ATP2A3: variants seen among roughly 807,000 people sequenced by gnomAD.
The protein encoded by ATP2A3 is ATPase sarcoplasmic/endoplasmic reticulum Ca2+ transporting 3.
A neutral mutation model predicts 106.8 loss-of-function variants in ATP2A3; 61 were observed. That is an observed-to-expected ratio of 0.57 (90% confidence interval 0.46 to 0.71). The LOEUF (loss-of-function observed/expected upper bound fraction) is 0.71, where lower values mean the gene tolerates loss of function less well. Ranked by LOEUF, ATP2A3 falls within the 30% of genes least tolerant of loss-of-function variation. ATP2A3 has a pLI of 0.00. For missense variants in ATP2A3, 1,201 were observed against 1,423.5 expected (o/e 0.84, Z 2.52); for synonymous variants, 611 against 609.3 (o/e 1.00, Z -0.04).
intron 16 of ATP2A3, among the ~76,000 whole-genome samples, chr17:3,935,952 G>A (rs895617970): frequency 7.9e-5 from 12 of 152,170 alleles, no homozygotes; most frequent in African/African-American, 1.7e-4. Context: ...TCATACTACC[G>A]GGAGAGCAGC....
At chr17:3,962,015 C>G (rs1487787181) in intron 1 of ATP2A3, among the ~76,000 whole-genome samples, 1 of 152,188 alleles carries the variant, frequency 6.6e-6, no homozygotes, top group African/African-American at 2.4e-5. Flanking sequence ...GCTGGCTCCC[C>G]TCTGCTCACC....
chr17:3,952,860 G>A, intron 3 of ATP2A3, among the ~76,000 whole-genome samples: 1 of 152,184 alleles, frequency 6.6e-6, no homozygotes, highest in East Asian at 1.9e-4. Flanking sequence ...CCACAGTGCT[G>A]GGATTTCAAT....
At chr17:3,937,393 G>T (rs759965092) in intron 15 of ATP2A3, 23 bp downstream of exon 15, 1 of 1,604,250 alleles carries the variant, frequency 6.2e-7, no homozygotes. Context: ...AGAGGGCTGA[G>T]AGGAGGGAAG....
chr17:3,944,363 G>A (rs1392408862), intron 10 of ATP2A3, among the ~76,000 whole-genome samples: 2 of 152,084 alleles, frequency 1.3e-5, no homozygotes, highest in Non-Finnish European at 1.5e-5. Flanking sequence ...CTAAGTCGCA[G>A]GAGGCTTTAA....
intron 1 of ATP2A3, among the ~76,000 whole-genome samples, chr17:3,962,558 C>T (rs1443171911): frequency 6.6e-6 from 1 of 152,194 alleles, no homozygotes; most frequent in Non-Finnish European, 1.5e-5. Context: ...ACACACCACG[C>T]CAAGCCCACA....
At chr17:3,939,117 T>C (rs2053601070) in intron 14 of ATP2A3, among the ~76,000 whole-genome samples, 1 of 151,964 alleles carries the variant, frequency 6.6e-6, no homozygotes, top group Non-Finnish European at 1.5e-5. Context: ...CAGTGAGCCA[T>C]GACTGTGCCA....
chr17:3,940,076 G>A (rs1045753138), intron 14 of ATP2A3, among the ~76,000 whole-genome samples: 4 of 131,648 alleles, frequency 3.0e-5, no homozygotes, highest in African/African-American at 1.3e-4. Context: ...GAGAGATGGG[G>A]TCTCAAACTC....
chr17:3,951,558 G>GCCCACCCCCCCAGCCACCC, intron 4 of ATP2A3, 23 bp downstream of exon 4: 1 of 716,234 alleles, frequency 1.4e-6, no homozygotes, highest in Non-Finnish European at 2.1e-6. Context: ...CCCCCGCCCG[G>GCCCACCCCCCCAGCCACCC]TCCCACCCCC....
At chr17:3,951,555 C>G in intron 4 of ATP2A3, 26 bp downstream of exon 4, 4 of 1,413,334 alleles carry the variant, frequency 2.8e-6, no homozygotes, top group Non-Finnish European at 2.0e-6. Flanking sequence ...CGCCCCCCGC[C>G]CGGTCCCACC....
In ATP2A3 at chr17:3,925,361, C is replaced by A; in HGVS notation, c.*61G>T. On this transcript the variant is annotated 3_prime_UTR_variant, in exon 21 of 21. Transcript: ENST00000397041. The surrounding 1 kb of genome is among the most constrained non-coding windows in gnomAD (Gnocchi z 4.2). ...TGGTGGCAAGGGTGGGGGGCGGAGGCGAACACATGGGCACCATCAGTCTGA... is the reference window on the plus strand; with the variant it reads ...TGGTGGCAAGGGTGGGGGGCGGAGGAGAACACATGGGCACCATCAGTCTGA... 6.2e-7 allele frequency: 1 copy of A among 1,613,414 alleles called. No homozygotes were observed. Among genetic ancestry groups the A allele is most frequent in the East Asian group, 2.2e-5 (1 of 44,864 alleles).
intron 1 of ATP2A3, among the ~76,000 whole-genome samples, chr17:3,961,208 G>T (rs76412121): frequency 1.3e-5 from 2 of 152,106 alleles, no homozygotes; most frequent in Non-Finnish European, 2.9e-5. Flanking sequence ...GGCTGGGGAC[G>T]GGGCGGAGAA....
Position 3,928,593 on chromosome 17 carries a change from G to C in ATP2A3, c.2980+70C>G, listed in dbSNP as rs895628971. Reference sequence around the variant, plus strand: ...AGGCTCTGCGCTCCACACCCACAGCGTCCACTGCAGCCCAGGAGCAGAGGC... The same window carrying C: ...AGGCTCTGCGCTCCACACCCACAGCCTCCACTGCAGCCCAGGAGCAGAGGC... On this transcript the variant is annotated intron_variant, in intron 20 of 20. Transcript: ENST00000397041. The surrounding 1 kb of genome is among the most constrained non-coding windows in gnomAD (Gnocchi z 6.1). The C allele has an allele frequency of 7.5e-6, 10 of 1,341,980 alleles. No individual in the cohort carries two copies. The highest frequency in any genetic ancestry group is 7.3e-5 in the African/African-American group (5 of 68,784). 83.1% of individuals were successfully genotyped at this position (1,341,980 alleles called of 1,614,324 possible). A position where few individuals can be genotyped will look rare whatever the true frequency, so the allele number is the denominator to read the frequency against.
Position 3,953,508 on chromosome 17 carries a change from C to T in ATP2A3, c.137-79G>A. On this transcript the variant is annotated intron_variant, in intron 2 of 20. Coordinates refer to ENST00000397041, the MANE Select transcript of ATP2A3 (RefSeq NM_005173.4). This position sits in a 1 kb window ranked among gnomAD's most constrained non-coding sequence, Gnocchi z 5.1. ...TCAGAGCTGGGATGGCCCGGGAGAC[C>T]TCCCGGCCCATTCCCTCCCTGCACT... 2 of 1,548,320 alleles carry T rather than the reference C, an allele frequency of 1.3e-6. No individual in the cohort carries two copies. The highest frequency in any genetic ancestry group is 1.8e-6 in the Non-Finnish European group (2 of 1,123,004).
At chr17:3,961,985 G>T (rs1356236607) in intron 1 of ATP2A3, among the ~76,000 whole-genome samples, 2 of 152,194 alleles carry the variant, frequency 1.3e-5, no homozygotes, top group Non-Finnish European at 2.9e-5. Flanking sequence ...GCCATGGCAA[G>T]CCTGAGGCAG....
At chr17:3,942,186 A>G (rs1265847981) in intron 12 of ATP2A3, among the ~76,000 whole-genome samples, 1 of 152,120 alleles carries the variant, frequency 6.6e-6, no homozygotes, top group Non-Finnish European at 1.5e-5. Flanking sequence ...AACAGCCTCT[A>G]AAGCTCCTTC....
In ATP2A3 at chr17:3,947,393, G is replaced by A. The variant is rs2054171944; in HGVS notation, c.1093C>T (p.Arg365Trp). The change falls in exon 8 of 21, where the codon CGG becomes TGG. Residue 365 changes from arginine to tryptophan, a missense_variant and splice_region_variant. By Grantham distance (101) the Arg-to-Trp change is moderately radical. Transcript: ENST00000397041. This position sits in a 1 kb window ranked among gnomAD's most constrained non-coding sequence, Gnocchi z 7.7. ...ACACCAAGCTGGCCGTCACTCACCC[G>A]GCAGACAGACATCTGATTGGTGGTG... ...TLTTNQMSVC[R>W]MFVVAEADAG... The A allele has an allele frequency of 2.5e-6, 4 of 1,613,840 alleles. No individual in the cohort carries two copies. Among genetic ancestry groups the A allele is most frequent in the Non-Finnish European group, 3.4e-6 (4 of 1,180,048 alleles).
At chr17:3,964,144 T>C in intron 1 of ATP2A3, 30 bp downstream of exon 1, 4 of 1,043,578 alleles carry the variant, frequency 3.8e-6, no homozygotes, top group Non-Finnish European at 4.7e-6. Context: ...CGGCCCCCGC[T>C]CCCCGGCCCG....
intron 14 of ATP2A3, among the ~76,000 whole-genome samples, chr17:3,938,624 C>T (rs1480710335): frequency 5.9e-5 from 9 of 151,654 alleles, no homozygotes; most frequent in African/African-American, 2.2e-4. Flanking sequence ...CGGCTCACTG[C>T]AACCTCCTCC....
At chr17:3,940,043 G>GTTTTTTTT (rs1294599615) in intron 14 of ATP2A3, among the ~76,000 whole-genome samples, 1 of 87,616 alleles carries the variant, frequency 1.1e-5, no homozygotes, top group African/African-American at 5.7e-5. Flanking sequence ...TTTTTTTTTT[G>GTTTTTTTT]TTTTTTGTTT....
Sources: gnomAD v4.1 joint callset for allele counts (sites outside exome capture counted in the v4.1 genomes callset) on GRCh38, gnomAD v4.1.1 for gene constraint, Gnocchi (gnomAD v3.1) non-coding constraint, MANE v1.5 for transcripts, NCBI Gene and HGNC (gene_info 2026-07-23, HGNC 2026-07-21) for gene names.